RERE: variants seen among roughly 807,000 people sequenced by gnomAD.
The protein encoded by RERE is arginine-glutamic acid dipeptide repeats protein.
RERE carries 40 observed loss-of-function variants against 146.1 expected under a neutral mutation model. The ratio of observed to expected loss-of-function variants is 0.27; its 90% CI spans 0.21 to 0.36. The LOEUF is 0.36. Among genes scored for constraint, RERE ranks in the 10% least tolerant of loss-of-function variants. The pLI is 1.00. For synonymous variants in RERE, 1,003 were observed against 866.0 expected (o/e 1.16, Z -2.78); for missense variants, 1,933 against 2,138.7 (o/e 0.90, Z 1.90).
intron 12 of RERE, among the ~76,000 whole-genome samples, chr1:8,414,088 C>G (rs1368304842): frequency 6.8e-6 from 1 of 147,586 alleles, no homozygotes; most frequent in Non-Finnish European, 1.5e-5. Context: ...TGAGGGGACT[C>G]AGATACCTTT....
At chr1:8,590,796 C>T (rs1311366869) in intron 4 of RERE, 1 of 152,208 alleles carries the variant, frequency 6.6e-6, no homozygotes, top group East Asian at 1.9e-4. Flanking sequence ...TGTGAGGTTC[C>T]TTGACTTCTT....
chr1:8,773,139 A>T (rs1399801134), intron 1 of RERE, among the ~76,000 whole-genome samples: 2 of 152,110 alleles, frequency 1.3e-5, no homozygotes, highest in Admixed American at 1.3e-4. Flanking sequence ...CTTTAATACA[A>T]TATCAACTAA....
intron 12 of RERE, among the ~76,000 whole-genome samples, chr1:8,389,322 A>G (rs1196189381): frequency 6.6e-6 from 1 of 152,148 alleles, no homozygotes; most frequent in Non-Finnish European, 1.5e-5. Context: ...CTGAAAAACT[A>G]AATACATACA....
At chr1:8,498,677 C>A (rs1645079569) in intron 8 of RERE, among the ~76,000 whole-genome samples, 1 of 136,816 alleles carries the variant, frequency 7.3e-6, no homozygotes, top group African/African-American at 2.7e-5. Flanking sequence ...GCCTAGGTGA[C>A]AGAGCAAGAC....
chr1:8,701,145 AG>A (rs1337956911), intron 1 of RERE, among the ~76,000 whole-genome samples: 1 of 152,200 alleles, frequency 6.6e-6, no homozygotes, highest in Non-Finnish European at 1.5e-5. Flanking sequence ...ATGAAAAGCT[AG>A]TCTGCATCAC....
At chr1:8,646,520 A>G (rs956379458) in intron 2 of RERE, among the ~76,000 whole-genome samples, 7 of 151,562 alleles carry the variant, frequency 4.6e-5, no homozygotes, top group Non-Finnish European at 2.9e-5. Context: ...CAACAGAGTG[A>G]GACCCTTCCC....
chr1:8,702,560 G>A (rs969628065), intron 1 of RERE, among the ~76,000 whole-genome samples: 1 of 152,144 alleles, frequency 6.6e-6, no homozygotes, highest in African/African-American at 2.4e-5. Context: ...TTCGGTCCAA[G>A]AAGAAAATTT....
At position 8,657,606 on chromosome 1, in the gene RERE, G is replaced by C. The variant is rs868864687; in HGVS notation, c.-144-1165C>G. ...TCACACCTGTAATCACAGCACTTTG[G>C]GAGGCCAAGGCAGGGGGATCACGTG... On this transcript the variant is annotated intron_variant, in intron 1 of 22. Transcript: ENST00000400908. 9.0e-4 allele frequency among the ~76,000 whole-genome samples: 137 copies of C among 152,228 alleles called. 1 individual carries two copies. The highest frequency in any genetic ancestry group is 1.2e-3 in the African/African-American group (50 of 41,524).
At chr1:8,670,453 T>A (rs2124371708) in intron 1 of RERE, among the ~76,000 whole-genome samples, 1 of 151,858 alleles carries the variant, frequency 6.6e-6, no homozygotes, top group South Asian at 2.1e-4. Context: ...TACAATCTAG[T>A]GGGGGAGAGA....
At chr1:8,363,672 A>T (rs1641684388) in intron 15 of RERE, 1 of 217,984 alleles carries the variant, frequency 4.6e-6, no homozygotes, top group Non-Finnish European at 9.2e-6. Context: ...CCAAAACGGG[A>T]TCAAACATTT....
intron 1 of RERE, among the ~76,000 whole-genome samples, chr1:8,793,802 C>CTA (rs1304109652): frequency 2.0e-5 from 3 of 152,202 alleles, no homozygotes; most frequent in African/African-American, 7.2e-5. Context: ...GGTACTATAA[C>CTA]ACCTGTCATC....
chr1:8,569,257 C>T (rs77823607), intron 4 of RERE, among the ~76,000 whole-genome samples: 3 of 101,500 alleles, frequency 3.0e-5, no homozygotes, highest in African/African-American at 1.0e-4. Context: ...TCTTTAAAAG[C>T]AAAAAAAAAA....
intron 1 of RERE, among the ~76,000 whole-genome samples, chr1:8,729,095 T>A (rs1157374785): frequency 6.6e-6 from 1 of 150,986 alleles, no homozygotes; most frequent in African/African-American, 2.4e-5. Context: ...ACCCGGGAGG[T>A]GGAAGCTGCG....
intron 1 of RERE, among the ~76,000 whole-genome samples, chr1:8,765,330 G>C (rs1640826320): frequency 6.6e-6 from 1 of 152,210 alleles, no homozygotes; most frequent in Non-Finnish European, 1.5e-5. Context: ...GGGCTGCTTA[G>C]GGCTGGGGGA....
At chr1:8,779,534 G>A (rs758702621) in intron 1 of RERE, among the ~76,000 whole-genome samples, 2 of 151,956 alleles carry the variant, frequency 1.3e-5, no homozygotes, top group Non-Finnish European at 2.9e-5. Context: ...ATGGTGGCAG[G>A]TGCCTGTAGT....
chr1:8,371,471 C>T (rs1296419332), intron 12 of RERE, among the ~76,000 whole-genome samples: 3 of 152,138 alleles, frequency 2.0e-5, no homozygotes, highest in African/African-American at 7.2e-5. Context: ...CTGCTTGGCA[C>T]CAGGCAATCT....
intron 7 of RERE, among the ~76,000 whole-genome samples, chr1:8,538,844 T>C (rs1645760705): frequency 6.6e-6 from 1 of 152,192 alleles, no homozygotes; most frequent in Non-Finnish European, 1.5e-5. Flanking sequence ...GCTGCTATCA[T>C]CATGTCTCTG....
At position 8,364,896 on chromosome 1, in the gene RERE, C is replaced by T; in HGVS notation, c.1448-58G>A. The T allele has an allele frequency of 7.1e-6, 1 of 140,242 alleles. No individual in the cohort carries two copies. The allele number at this position is 140,242 out of a possible 1,614,324, so 8.7% of individuals were successfully genotyped here. ...GAGACACCATCATGCTCAGCCAAGG[C>T]TGGGCCGGTGGGGTGGGGGGGAGGG... On this transcript the variant is annotated intron_variant, in intron 13 of 22. Coordinates refer to ENST00000400908, the MANE Select transcript of RERE (RefSeq NM_001042681.2). This position sits in a 1 kb window ranked among gnomAD's most constrained non-coding sequence, Gnocchi z 5.1.
At chr1:8,525,794 G>C (rs765371324) in intron 7 of RERE, 15 of 1,595,762 alleles carry the variant, frequency 9.4e-6, no homozygotes, top group Non-Finnish European at 1.2e-5. Flanking sequence ...TGACTAACAC[G>C]GGCTCTGGTG....
Sources: allele counts gnomAD v4.1 joint callset (sites outside exome capture counted in the v4.1 genomes callset), GRCh38; gene constraint gnomAD v4.1.1; non-coding constraint Gnocchi (gnomAD v3.1); transcripts MANE v1.5; gene names NCBI Gene and HGNC (gene_info 2026-07-23, HGNC 2026-07-21).